Variants in DPP10 observed in about 807,000 individuals in gnomAD.
DPP10 encodes dipeptidyl peptidase like 10.
In DPP10, 33 loss-of-function variants were observed where a neutral mutation model predicts 120.9. That is an observed-to-expected ratio of 0.27 (90% CI 0.21 to 0.37). The LOEUF is 0.37. DPP10 is among the 10% of genes least tolerant of loss of function. The pLI, the probability that DPP10 is intolerant of heterozygous loss-of-function variation, is 1.00. For missense variants in DPP10, 816 were observed against 942.8 expected, an observed-to-expected ratio of 0.87 and a Z score of 1.76; for synonymous variants, 337 against 326.1, an observed-to-expected ratio of 1.03 and a Z score of -0.36.
intron 1 of DPP10, among the ~76,000 whole-genome samples, chr2:115,293,116 A>C (rs1346343838): frequency 6.6e-6 from 1 of 152,048 alleles, no homozygotes; most frequent in Non-Finnish European, 1.5e-5. Context: ...ACTAGCAAGT[A>C]AGCCACAGTG....
chr2:115,538,654 A>G (rs1391900119), intron 5 of DPP10, among the ~76,000 whole-genome samples: 1 of 152,040 alleles, frequency 6.6e-6, no homozygotes, highest in African/African-American at 2.4e-5. Context: ...AGTAATGGAC[A>G]CACTAACTTA....
At chr2:115,582,098 C>T (rs2082032060) in intron 5 of DPP10, among the ~76,000 whole-genome samples, 3 of 152,078 alleles carry the variant, frequency 2.0e-5, no homozygotes, top group South Asian at 2.1e-4. Flanking sequence ...GGGTGCCTTG[C>T]GAGATCCAAG....
chr2:115,458,530 A>G (rs1201109720), intron 3 of DPP10, among the ~76,000 whole-genome samples: 4 of 152,096 alleles, frequency 2.6e-5, no homozygotes, highest in African/African-American at 2.4e-5. Flanking sequence ...CTCGAAAAGA[A>G]AGAAAATGAA....
Position 115,748,612 on chromosome 2 carries a change from G to A in DPP10, c.950+2429G>A, listed in dbSNP as rs185505725. 1.8e-4 allele frequency among the ~76,000 whole-genome samples: 28 copies of A among 151,922 alleles called. No individual in the cohort carries two copies. In the East Asian group the frequency reaches 5.0e-3, roughly 27 times the overall value. ...TTGTTGTTTGAATTGAAGATCTTAG[G>A]TCCTTTTTTTGGTCTGTCTGATTGC... On this transcript the variant is annotated intron_variant, in intron 10 of 25. Transcript: ENST00000410059.
At chr2:115,544,902 A>C (rs1168012121) in intron 5 of DPP10, among the ~76,000 whole-genome samples, 1 of 152,122 alleles carries the variant, frequency 6.6e-6, no homozygotes, top group Non-Finnish European at 1.5e-5. Flanking sequence ...AAATACAGAA[A>C]AGAGGCTGTT....
At chr2:115,180,230 A>G (rs1028402900) in intron 1 of DPP10, among the ~76,000 whole-genome samples, 1 of 152,208 alleles carries the variant, frequency 6.6e-6, no homozygotes. Context: ...GTACACTGAT[A>G]GAAATCAACT....
intron 1 of DPP10, among the ~76,000 whole-genome samples, chr2:114,612,517 T>TATATCTCTAGATATAGTAAGAA (rs1693362196): frequency 6.6e-6 from 1 of 152,214 alleles, no homozygotes; most frequent in Admixed American, 6.5e-5. Context: ...TTCTCCTTAC[T>TATATCTCTAGATATAGTAAGAA]ATATCTCTAG....
At chr2:115,179,498 T>C (rs1187482165) in intron 1 of DPP10, among the ~76,000 whole-genome samples, 1 of 152,180 alleles carries the variant, frequency 6.6e-6, no homozygotes, top group Non-Finnish European at 1.5e-5. Context: ...AACAATAGAC[T>C]GTGCTTTATT....
intron 1 of DPP10, among the ~76,000 whole-genome samples, chr2:114,579,933 A>G (rs998312885): frequency 2.6e-5 from 4 of 152,196 alleles, no homozygotes; most frequent in Admixed American, 6.5e-5. Context: ...CAGCTGTTGC[A>G]TTCTAAAATG....
At chr2:115,752,226 A>G (rs2149746009) in intron 10 of DPP10, among the ~76,000 whole-genome samples, 1 of 152,314 alleles carries the variant, frequency 6.6e-6, no homozygotes, top group South Asian at 2.1e-4. Flanking sequence ...CTGGATGGCT[A>G]TTTCTAAAGT....
chr2:115,351,957 T>C (rs1015170624), intron 3 of DPP10, among the ~76,000 whole-genome samples: 1 of 152,066 alleles, frequency 6.6e-6, no homozygotes, highest in African/African-American at 2.4e-5. Flanking sequence ...AAACTTTTGT[T>C]TGGAATTTAA....
intron 1 of DPP10, among the ~76,000 whole-genome samples, chr2:114,996,502 A>G (rs1039637640): frequency 4.6e-5 from 7 of 152,184 alleles, no homozygotes; most frequent in Non-Finnish European, 8.8e-5. Context: ...CATACTGAAG[A>G]CAAGTTTTAA....
chr2:115,529,085 TA>T (rs1217847798), intron 5 of DPP10, among the ~76,000 whole-genome samples: 2 of 152,142 alleles, frequency 1.3e-5, no homozygotes, highest in African/African-American at 4.8e-5. Context: ...TAATGGCATG[TA>T]AAAATAATTA....
chr2:115,162,910 C>T (rs1573847698), intron 1 of DPP10, among the ~76,000 whole-genome samples: 1 of 152,140 alleles, frequency 6.6e-6, no homozygotes, highest in South Asian at 2.1e-4. Context: ...CCGAGACACC[C>T]TGGCGAGGAG....
At chr2:115,706,837 A>C (rs2092128649) in intron 7 of DPP10, among the ~76,000 whole-genome samples, 1 of 151,986 alleles carries the variant, frequency 6.6e-6, no homozygotes, top group Admixed American at 6.6e-5. Flanking sequence ...ATTAAATGGC[A>C]TGCAGATAAC....
intron 21 of DPP10, among the ~76,000 whole-genome samples, chr2:115,820,522 T>C (rs1257690386): frequency 6.6e-6 from 1 of 151,942 alleles, no homozygotes; most frequent in Non-Finnish European, 1.5e-5. Context: ...GAGATTTAGG[T>C]GCACCCATCA....
chr2:115,284,267 C>T (rs1258982198), intron 1 of DPP10, among the ~76,000 whole-genome samples: 1 of 151,962 alleles, frequency 6.6e-6, no homozygotes, highest in Non-Finnish European at 1.5e-5. Context: ...ATGCAAATTA[C>T]TTCTTTAATA....
intron 5 of DPP10, among the ~76,000 whole-genome samples, chr2:115,624,548 C>T (rs1411762070): frequency 6.6e-6 from 1 of 152,196 alleles, no homozygotes; most frequent in Non-Finnish European, 1.5e-5. Context: ...GAAACTCAAG[C>T]TCAATTACCC....
chr2:114,989,621 CTATT>C (rs1700638377), intron 1 of DPP10, among the ~76,000 whole-genome samples: 1 of 152,122 alleles, frequency 6.6e-6, no homozygotes, highest in South Asian at 2.1e-4. Flanking sequence ...TATAGAGAAT[CTATT>C]TTAGAAACTG....
Sources: gnomAD v4.1 joint callset for allele counts (sites outside exome capture counted in the v4.1 genomes callset) on GRCh38, gnomAD v4.1.1 for gene constraint, MANE v1.5 for transcripts, NCBI Gene and HGNC (gene_info 2026-07-23, HGNC 2026-07-21) for gene names.